DPP6: variants seen among roughly 807,000 people sequenced by gnomAD.
DPP6 encodes the protein A-type potassium channel modulatory protein DPP6.
Under a neutral mutation model 122.6 loss-of-function variants are expected in DPP6, and 69 were observed. That is an observed-to-expected ratio of 0.56 (90% CI 0.46 to 0.69). The LOEUF is 0.69. DPP6 is among the 30% of genes least tolerant of loss of function. The pLI, the probability that DPP6 is intolerant of heterozygous loss-of-function variation, is 0.00. For missense variants in DPP6, 928 were observed against 1,116.9 expected (o/e 0.83, Z 2.41); for synonymous variants, 418 against 433.1 (o/e 0.97, Z 0.43).
chr7:154,372,172 A>C (rs923609181), intron 1 of DPP6, among the ~76,000 whole-genome samples: 1 of 152,144 alleles, frequency 6.6e-6, no homozygotes, highest in African/African-American at 2.4e-5. Context: ...TTGTCGGATC[A>C]CATTCTCCAG....
At chr7:153,843,982 G>GC in the DPP6 span, among the ~76,000 whole-genome samples, 16,131 of 152,110 alleles carry the variant, frequency 0.11, 923 homozygotes, top group Middle Eastern at 0.15. Context: ...ATGGACAGGT[G>GC]CCCCCCATGC....
At position 154,880,920 on chromosome 7, in the gene DPP6, C is replaced by A; in HGVS notation, c.2111C>A (p.Thr704Lys). The A allele has an allele frequency of 6.2e-7, 1 of 1,613,936 alleles. No individual in the cohort carries two copies. The highest frequency in any genetic ancestry group is 8.5e-7 in the Non-Finnish European group (1 of 1,179,890). ...TMLKEQYIDRTRVAVFGKDYG... is the reference protein window; with the variant it reads ...TMLKEQYIDRKRVAVFGKDYG... Reference sequence around the variant, plus strand: ...CTGAAGGAGCAGTACATTGACAGGACGCGCGTGGCCGTGTTTGGGAAGGTG... The same window carrying A: ...CTGAAGGAGCAGTACATTGACAGGAAGCGCGTGGCCGTGTTTGGGAAGGTG... Residue 704 changes from threonine (T) to lysine (K), a missense_variant, in exon 21 of 26, where the codon ACG becomes AAG. Coordinates refer to ENST00000377770, the MANE Select transcript of DPP6 (RefSeq NM_130797.4).
chr7:154,013,755 C>A (rs1798268668), intron 1 of DPP6, among the ~76,000 whole-genome samples: 1 of 152,130 alleles, frequency 6.6e-6, no homozygotes, highest in Non-Finnish European at 1.5e-5. Context: ...ATGGAACTTG[C>A]TCTGCTCCTC....
At chr7:154,280,952 T>A (rs1804461358) in intron 1 of DPP6, among the ~76,000 whole-genome samples, 1 of 152,096 alleles carries the variant, frequency 6.6e-6, no homozygotes, top group Admixed American at 6.6e-5. Context: ...TATATAACTG[T>A]TAAGTAACAA....
At chr7:154,521,968 C>CT (rs112352021) in intron 3 of DPP6, among the ~76,000 whole-genome samples, 16,233 of 149,702 alleles carry the variant, frequency 0.11, 921 homozygotes, top group African/African-American at 0.15. Flanking sequence ...CTTTCTAACT[C>CT]TTTTTTTTTT....
chr7:154,080,305 C>T (rs1449405588), intron 1 of DPP6, among the ~76,000 whole-genome samples: 2 of 152,108 alleles, frequency 1.3e-5, no homozygotes, highest in African/African-American at 4.8e-5. Context: ...ACTTAATCAG[C>T]ATCCAAGATC....
chr7:154,627,189 CTTTTTTTTTTT>C (rs61163075), intron 5 of DPP6, among the ~76,000 whole-genome samples: 1 of 103,448 alleles, frequency 9.7e-6, no homozygotes, highest in South Asian at 3.5e-4. Flanking sequence ...ATTTTTTTTC[CTTTTTTTTTTT>C]TTTTTTTTTG....
At chr7:154,762,260 GT>G (rs1284538492) in intron 8 of DPP6, among the ~76,000 whole-genome samples, 2 of 152,180 alleles carry the variant, frequency 1.3e-5, no homozygotes, top group Non-Finnish European at 2.9e-5. Context: ...CACTGCCCTG[GT>G]TCAAGGAGCA....
chr7:154,881,000 T>C, intron 21 of DPP6, 58 bp downstream of exon 21: 1 of 1,590,800 alleles, frequency 6.3e-7, no homozygotes, highest in South Asian at 1.1e-5. Context: ...CCTGCACCAT[T>C]ACCCACGTCT....
intron 1 of DPP6, among the ~76,000 whole-genome samples, chr7:154,317,084 C>A (rs10215331): frequency 0.59 from 88,826 of 151,728 alleles, 26,451 homozygotes; most frequent in South Asian, 0.67. Context: ...CTCCCTGTCC[C>A]CCCACCAATC....
chr7:154,448,556 T>C (rs1000107512), intron 2 of DPP6, among the ~76,000 whole-genome samples: 1 of 152,170 alleles, frequency 6.6e-6, no homozygotes, highest in Non-Finnish European at 1.5e-5. Flanking sequence ...TCTTTCTTTC[T>C]TAAAGAAACT....
At chr7:154,768,643 C>T (rs1481545531) in intron 8 of DPP6, among the ~76,000 whole-genome samples, 1 of 152,140 alleles carries the variant, frequency 6.6e-6, no homozygotes, top group Non-Finnish European at 1.5e-5. Flanking sequence ...AGAAATTTCC[C>T]CTCTAGAATA....
intron 1 of DPP6, among the ~76,000 whole-genome samples, chr7:154,431,157 C>T (rs1313667199): frequency 6.6e-6 from 1 of 152,172 alleles, no homozygotes; most frequent in Non-Finnish European, 1.5e-5. Context: ...CACCGTGGTG[C>T]CCTGAGAACA....
At chr7:154,393,934 A>G (rs552804161) in intron 1 of DPP6, among the ~76,000 whole-genome samples, 25 of 152,306 alleles carry the variant, frequency 1.6e-4, no homozygotes, top group African/African-American at 5.5e-4. Context: ...TTCACTTAAT[A>G]TAAGTCCTCA....
chr7:154,480,361 ACT>A (rs780822257), intron 3 of DPP6, among the ~76,000 whole-genome samples: 16 of 151,860 alleles, frequency 1.1e-4, no homozygotes, highest in Non-Finnish European at 2.2e-4. Context: ...CACGCCCAGC[ACT>A]CTCCGAAACT....
At chr7:154,204,607 C>A (rs1282957650) in intron 1 of DPP6, among the ~76,000 whole-genome samples, 1 of 152,196 alleles carries the variant, frequency 6.6e-6, no homozygotes, top group African/African-American at 2.4e-5. Flanking sequence ...CTGCGAGCCC[C>A]ATTTCCATGG....
the DPP6 span, among the ~76,000 whole-genome samples, chr7:153,817,204 C>T: frequency 1.3e-5 from 2 of 148,402 alleles, no homozygotes; most frequent in East Asian, 4.0e-4. Flanking sequence ...GTGTATATAG[C>T]AGGGAAGGAA....
chr7:153,807,615 A>C, the DPP6 span, among the ~76,000 whole-genome samples: 3 of 151,970 alleles, frequency 2.0e-5, no homozygotes, highest in Non-Finnish European at 4.4e-5. Flanking sequence ...AGGAAATGTC[A>C]GTTATCTGAG....
At chr7:154,187,408 A>G (rs997070869) in intron 1 of DPP6, among the ~76,000 whole-genome samples, 1 of 152,212 alleles carries the variant, frequency 6.6e-6, no homozygotes, top group African/African-American at 2.4e-5. Context: ...CGAGAGCCAA[A>G]TGACTATTTG....
Sources: gnomAD v4.1 joint callset for allele counts (sites outside exome capture counted in the v4.1 genomes callset) on GRCh38, gnomAD v4.1.1 for gene constraint, MANE v1.5 for transcripts, NCBI Gene and HGNC (gene_info 2026-07-23, HGNC 2026-07-21) for gene names.